The following MYOF variants were observed in gnomAD, a reference collection of about 807,000 sequenced individuals.
The protein encoded by MYOF is myoferlin.
Under a neutral mutation model 284.2 loss-of-function variants are expected in MYOF, and 244 were observed. The observed-to-expected ratio is 0.86, with a 90% CI of 0.77 to 0.95. The LOEUF is 0.95. Among genes scored for constraint, MYOF ranks in the 40% least tolerant of loss-of-function variants. MYOF has a pLI of 0.00. For missense variants in MYOF, 2,496 were observed against 2,560.6 expected (o/e 0.97, Z 0.54); for synonymous variants, 904 against 919.7 (o/e 0.98, Z 0.31).
intron 5 of MYOF, among the ~76,000 whole-genome samples, chr10:93,422,866 C>T (rs1848414874): frequency 6.6e-6 from 1 of 152,098 alleles, no homozygotes; most frequent in Non-Finnish European, 1.5e-5. Context: ...TGGTGTGGCG[C>T]TGATCTCTTT....
Position 93,326,054 on chromosome 10 carries a change from A to G in MYOF, c.5132-89T>C, listed in dbSNP as rs1002713768. Reference sequence around the variant, plus strand: ...AGAGCTGCTTCCAGCACTTCATCCCAGACTTTGCCAAAATGGACAGGCAGT... The same window carrying G: ...AGAGCTGCTTCCAGCACTTCATCCCGGACTTTGCCAAAATGGACAGGCAGT... On this transcript the variant is annotated intron_variant, in intron 45 of 53. Transcript: ENST00000359263. 10 of 1,539,132 alleles carry G rather than the reference A, an allele frequency of 6.5e-6. No individual in the cohort carries two copies. The Admixed American group carries it at 1.7e-4, about 27-fold the overall frequency.
chr10:93,448,387 C>T (rs1273119445), intron 3 of MYOF, among the ~76,000 whole-genome samples: 5 of 152,130 alleles, frequency 3.3e-5, no homozygotes, highest in African/African-American at 1.2e-4. Flanking sequence ...CTCTGATTTG[C>T]TTTTCTTCAT....
At chr10:93,431,310 G>A (rs934723871) in intron 4 of MYOF, 98 bp downstream of exon 4, 1 of 968,060 alleles carries the variant, frequency 1.0e-6, no homozygotes, top group Non-Finnish European at 1.6e-6. Context: ...TGGGATTACA[G>A]GTGTGAGCCA....
chr10:93,391,820 T>C (rs550282867), intron 17 of MYOF, among the ~76,000 whole-genome samples: 54 of 152,318 alleles, frequency 3.5e-4, no homozygotes, highest in Non-Finnish European at 7.2e-4. Context: ...ATATTTTCCA[T>C]GCCTCCTTTA....
intron 20 of MYOF, 91 bp from the exon 21 acceptor site, chr10:93,380,078 A>T: frequency 6.7e-7 from 1 of 1,491,550 alleles, no homozygotes; most frequent in Non-Finnish European, 9.1e-7. Context: ...GCTGCTGATT[A>T]ATCCACAGGC....
chr10:93,466,984 A>ACAAACAAG (rs2057023934), intron 1 of MYOF, among the ~76,000 whole-genome samples: 1 of 146,804 alleles, frequency 6.8e-6, no homozygotes, highest in African/African-American at 2.7e-5. Context: ...TCTCAAACAA[A>ACAAACAAG]CAAGCAAACA....
At chr10:93,435,321 T>C (rs922823695) in intron 3 of MYOF, among the ~76,000 whole-genome samples, 1 of 152,218 alleles carries the variant, frequency 6.6e-6, no homozygotes, top group African/African-American at 2.4e-5. Flanking sequence ...CCAGCGTGTC[T>C]CGACCTCAGC....
intron 27 of MYOF, among the ~76,000 whole-genome samples, 164 bp downstream of exon 27, chr10:93,363,797 C>T (rs551217072): frequency 1.3e-5 from 2 of 152,322 alleles, no homozygotes; most frequent in South Asian, 2.1e-4. Context: ...AAAGAAAATA[C>T]TTATTGTGGC....
At chr10:93,364,155 A>G in intron 26 of MYOF, 80 bp from the exon 27 acceptor site, 1 of 1,182,618 alleles carries the variant, frequency 8.5e-7, no homozygotes, top group Non-Finnish European at 1.2e-6. Context: ...CTCAGGAAGC[A>G]TCTACACCCT....
At chr10:93,317,572 G>A (rs922423460) in intron 49 of MYOF, among the ~76,000 whole-genome samples, 3 of 152,164 alleles carry the variant, frequency 2.0e-5, no homozygotes, top group African/African-American at 7.2e-5. Flanking sequence ...GGGAGGTGGA[G>A]GTTGCAGTGA....
At position 93,310,099 on chromosome 10, in the gene MYOF, C is replaced by A; in HGVS notation, c.6068G>T (p.Arg2023Leu). 6.2e-7 allele frequency: 1 copy of A among 1,614,082 alleles called. No homozygotes were observed. The highest frequency in any genetic ancestry group is 8.5e-7 in the Non-Finnish European group (1 of 1,180,020). The change falls in exon 53 of 54, where the codon CGC (arginine) becomes CTC (leucine). Residue 2023 changes from arginine to leucine, a missense_variant. Coordinates refer to ENST00000359263, the MANE Select transcript of MYOF (RefSeq NM_013451.4). ...CAAGCCGATGATGACCCACTTAAAG[C>A]GGCGCCACACGATGAACTTCATGGT... ...CKTMKFIVWR[R>L]FKWVIIGLLF...
intron 27 of MYOF, among the ~76,000 whole-genome samples, chr10:93,362,693 A>G (rs1352610889): frequency 1.3e-5 from 2 of 152,224 alleles, no homozygotes; most frequent in Non-Finnish European, 2.9e-5. Context: ...AAGGAAATAA[A>G]GGCGGCCCAT....
At chr10:93,396,303 C>T in intron 15 of MYOF, 79 bp from the exon 16 acceptor site, 2 of 1,056,956 alleles carry the variant, frequency 1.9e-6, no homozygotes, top group African/African-American at 1.6e-5. Context: ...TTCATTTCAA[C>T]AATTAAAAAA....
intron 41 of MYOF, among the ~76,000 whole-genome samples, chr10:93,334,366 C>A (rs1303041114): frequency 6.7e-6 from 1 of 149,548 alleles, no homozygotes; most frequent in Non-Finnish European, 1.5e-5. Context: ...GTGTCACTTC[C>A]TCCAGGAAAC....
At chr10:93,329,316 C>T (rs1791082838) in intron 44 of MYOF, among the ~76,000 whole-genome samples, 1 of 152,142 alleles carries the variant, frequency 6.6e-6, no homozygotes, top group South Asian at 2.1e-4. Context: ...TCCCTATTTC[C>T]CAAGGACAGG....
Position 93,429,998 on chromosome 10 carries a change from G to A in MYOF, c.345+1410C>T, listed in dbSNP as rs188196149. On this transcript the variant is annotated intron_variant, in intron 4 of 53. Transcript: ENST00000359263. The stretch of plus-strand genomic sequence containing the variant: ...TGCCCAGGCTGGAGTGCAGTGGCGC[G>A]ATCTTGGCTCACTGCAACCTCGGCC... 6.3e-3 allele frequency among the ~76,000 whole-genome samples: 946 copies of A among 151,024 alleles called. 3 individuals carry two copies. The highest frequency in any genetic ancestry group is 0.011 in the Non-Finnish European group (714 of 67,816).
Position 93,387,911 on chromosome 10 carries a change from C to T in MYOF, c.1584G>A (p.Gly528=), listed in dbSNP as rs1370848346. 1.2e-6 allele frequency: 2 copies of T among 1,611,276 alleles called. No individual in the cohort carries two copies. The highest frequency in any genetic ancestry group is 4.5e-5 in the East Asian group (2 of 44,874). Residue 528 remains glycine (G), a splice_region_variant and synonymous_variant, in exon 19 of 54, where the codon GGG becomes GGA. Transcript: ENST00000359263. ...DPYDELNTGK[G]EGVAYRGRIL... ...TCCTGCCTCTGTAGGCAACTCCTTCCCCCTGAAAGGCAATAATCCAGGATT... is the reference window on the plus strand; with the variant it reads ...TCCTGCCTCTGTAGGCAACTCCTTCTCCCTGAAAGGCAATAATCCAGGATT...
At chr10:93,425,353 G>C (rs965042366) in intron 5 of MYOF, among the ~76,000 whole-genome samples, 3 of 152,076 alleles carry the variant, frequency 2.0e-5, no homozygotes, top group Admixed American at 6.5e-5. Context: ...CTGAGGAAGG[G>C]ACAGAGACTT....
At chr10:93,323,621 C>T in intron 46 of MYOF, 1 of 456,682 alleles carries the variant, frequency 2.2e-6, no homozygotes. Context: ...CTGGGTCTCG[C>T]CTGGTTAATA....
Sources: gnomAD v4.1 joint callset for allele counts (sites outside exome capture counted in the v4.1 genomes callset) on GRCh38, gnomAD v4.1.1 for gene constraint, MANE v1.5 for transcripts, NCBI Gene and HGNC (gene_info 2026-07-23, HGNC 2026-07-21) for gene names.